Variants in YAE1 observed in about 807,000 individuals in gnomAD.
YAE1 encodes YAE1 maturation factor of ABCE1.
A neutral mutation model predicts 23.0 loss-of-function variants in YAE1; 22 were observed. The ratio of observed to expected loss-of-function variants is 0.96; its 90% CI spans 0.68 to 1.37. The LOEUF is 1.37. Ranked by LOEUF, YAE1 falls within the 40% of genes most tolerant of loss-of-function variation. YAE1 has a pLI of 0.00. For missense variants in YAE1, 260 were observed against 262.1 expected (o/e 0.99, Z 0.06); for synonymous variants, 101 against 97.0 (o/e 1.04, Z -0.24).
At chr7:39,570,417 C>T in intron 1 of YAE1, 89 bp from the exon 2 acceptor site, 1 of 1,504,536 alleles carries the variant, frequency 6.6e-7, no homozygotes, top group South Asian at 1.2e-5. Flanking sequence ...CCTAATTCAT[C>T]TGCTTTCTAA....
At chr7:39,585,019 A>G (rs1207458856) in intron 2 of YAE1, among the ~76,000 whole-genome samples, 1 of 152,194 alleles carries the variant, frequency 6.6e-6, no homozygotes, top group Admixed American at 6.5e-5. Context: ...CCAGAGGTTC[A>G]AATGTCCTTC....
intron 2 of YAE1, among the ~76,000 whole-genome samples, chr7:39,594,075 A>G (rs994784584): frequency 9.9e-5 from 15 of 152,202 alleles, no homozygotes; most frequent in Admixed American, 4.6e-4. Flanking sequence ...TTGTTGTAGT[A>G]GACAGATAAC....
intron 2 of YAE1, among the ~76,000 whole-genome samples, chr7:39,591,650 T>C (rs1562594479): frequency 1.3e-5 from 2 of 151,324 alleles, no homozygotes; most frequent in South Asian, 2.1e-4. Flanking sequence ...TTGGTACATA[T>C]GTTACAATTA....
chr7:39,571,159 G>C (rs1790557524), intron 2 of YAE1, among the ~76,000 whole-genome samples: 1 of 152,052 alleles, frequency 6.6e-6, no homozygotes. Flanking sequence ...CCAACCAGTG[G>C]CCTGCATATC....
At chr7:39,579,688 C>T (rs1018277929) in intron 2 of YAE1, among the ~76,000 whole-genome samples, 2 of 148,410 alleles carry the variant, frequency 1.3e-5, no homozygotes, top group African/African-American at 5.0e-5. Context: ...AAAAATCCTG[C>T]TTTTCTGCAT....
At chr7:39,584,536 C>A (rs1790786429) in intron 2 of YAE1, among the ~76,000 whole-genome samples, 2 of 152,076 alleles carry the variant, frequency 1.3e-5, no homozygotes, top group African/African-American at 4.8e-5. Flanking sequence ...TATTGCCTTT[C>A]TATATTATAA....
intron 2 of YAE1, among the ~76,000 whole-genome samples, chr7:39,598,321 G>T (rs1275152081): frequency 6.6e-6 from 1 of 151,542 alleles, no homozygotes; most frequent in Non-Finnish European, 1.5e-5. Context: ...TGTTGGCCAG[G>T]CTGGTCTCAA....
chr7:39,575,568 G>C (rs1045194795), downstream of YAE1, among the ~76,000 whole-genome samples: 4 of 111,992 alleles, frequency 3.6e-5, no homozygotes, highest in Non-Finnish European at 7.1e-5. Flanking sequence ...GAGAGAGAGA[G>C]AGAGAGAGAG....
Position 39,572,649 on chromosome 7 carries a change from TTTAG to T in YAE1, c.628_631del (p.Val210AsnfsTer7). The T allele has an allele frequency of 6.2e-7, 1 of 1,613,472 alleles. No individual in the cohort carries two copies. The highest frequency in any genetic ancestry group is 8.5e-7 in the Non-Finnish European group (1 of 1,179,772). On this transcript the variant is annotated frameshift_variant, in exon 3 of 3. Coordinates refer to ENST00000223273, the MANE Select transcript of YAE1 (RefSeq NM_020192.5). LOFTEE classifies it high-confidence loss of function. Reference sequence around the variant, plus strand: ...CATGGATTTTGGAACAGACAGCCAGTTTAGTTAAACAGCTGGGCCTATCAGTAGA... The same window carrying T: ...CATGGATTTTGGAACAGACAGCCAGTTTAAACAGCTGGGCCTATCAGTAGA...
At position 39,572,655 on chromosome 7, in the gene YAE1, T is replaced by A; in HGVS notation, c.630T>A (p.Val210=). The change falls in exon 3 of 3, where the codon GTT becomes GTA. Residue 210 remains valine, a synonymous_variant. Transcript: ENST00000223273. ...TWILEQTASL[V]KQLGLSVDVL... ...TTTTGGAACAGACAGCCAGTTTAGTTAAACAGCTGGGCCTATCAGTAGATG... is the reference window on the plus strand; with the variant it reads ...TTTTGGAACAGACAGCCAGTTTAGTAAAACAGCTGGGCCTATCAGTAGATG... 1 of 1,613,202 alleles carries A rather than the reference T, an allele frequency of 6.2e-7. No homozygotes were observed. Among genetic ancestry groups the A allele is most frequent in the Non-Finnish European group, 8.5e-7 (1 of 1,179,662 alleles).
exon 3 of YAE1, chr7:39,609,817 G>A: frequency 6.5e-7 from 1 of 1,531,446 alleles, no homozygotes. Flanking sequence ...TTCCCCGCCC[G>A]GCTCCGGGCC....
downstream of YAE1, among the ~76,000 whole-genome samples, chr7:39,610,816 T>C (rs542101021): frequency 6.6e-6 from 1 of 152,278 alleles, no homozygotes; most frequent in African/African-American, 2.4e-5. Flanking sequence ...TATTGTTAAA[T>C]ATGGGGACTG....
At chr7:39,581,270 C>T (rs963982190) in intron 2 of YAE1, among the ~76,000 whole-genome samples, 1 of 152,292 alleles carries the variant, frequency 6.6e-6, no homozygotes, top group Middle Eastern at 3.4e-3. Flanking sequence ...ATCTATGTAA[C>T]ATGGCTTTGT....
At chr7:39,573,052 T>C (rs1379628000), downstream of YAE1, among the ~76,000 whole-genome samples, 1 of 152,162 alleles carries the variant, frequency 6.6e-6, no homozygotes, top group Non-Finnish European at 1.5e-5. Context: ...CTACCTCCTG[T>C]CACTATTAGG....
chr7:39,593,849 T>C (rs567499670), intron 2 of YAE1, among the ~76,000 whole-genome samples: 1 of 152,342 alleles, frequency 6.6e-6, no homozygotes, highest in Non-Finnish European at 1.5e-5. Flanking sequence ...TTAGGTATAG[T>C]TACGATAACT....
intron 2 of YAE1, among the ~76,000 whole-genome samples, chr7:39,602,948 G>A (rs1208302060): frequency 6.6e-6 from 1 of 151,862 alleles, no homozygotes; most frequent in African/African-American, 2.4e-5. Flanking sequence ...GAGGTTTCAC[G>A]ATGTTGGTCA....
intron 1 of YAE1, among the ~76,000 whole-genome samples, chr7:39,568,000 C>T (rs1790502158): frequency 6.6e-6 from 1 of 152,050 alleles, no homozygotes. Flanking sequence ...ACAATATTAG[C>T]AGTTAGGAAA....
intron 2 of YAE1, among the ~76,000 whole-genome samples, chr7:39,578,847 A>T (rs1051417106): frequency 6.6e-6 from 1 of 152,252 alleles, no homozygotes; most frequent in Admixed American, 6.5e-5. Context: ...AGTTACGTTA[A>T]TATAATAGCA....
At chr7:39,570,228 G>A (rs1277581721) in intron 1 of YAE1, 4 of 630,156 alleles carry the variant, frequency 6.3e-6, no homozygotes, top group East Asian at 2.8e-5. Context: ...CACAGCAAGC[G>A]TGGCGGCCCA....
Sources: gnomAD v4.1 joint callset for allele counts (sites outside exome capture counted in the v4.1 genomes callset) on GRCh38, gnomAD v4.1.1 for gene constraint, MANE v1.5 for transcripts, NCBI Gene and HGNC (gene_info 2026-07-23, HGNC 2026-07-21) for gene names.